Variants in LHCGR observed in about 807,000 individuals in gnomAD.
The protein encoded by LHCGR is luteinizing hormone/choriogonadotropin receptor, also known as lutropin-choriogonadotropic hormone receptor.
In LHCGR, 55 loss-of-function variants were observed where a neutral mutation model predicts 60.7. That is an observed-to-expected ratio of 0.91 (90% CI 0.73 to 1.13). The LOEUF is 1.13. Among genes scored for constraint, LHCGR ranks in the 50% most tolerant of loss-of-function variants. The pLI is 0.00. For missense variants in LHCGR, 862 were observed against 836.0 expected (o/e 1.03, Z -0.38); for synonymous variants, 337 against 316.5 (o/e 1.06, Z -0.69).
rs1241145884 is a variant in LHCGR, at chr2:48,729,228, C to T, written c.234-1G>A. 1.3e-5 allele frequency: 21 copies of T among 1,602,456 alleles called. No homozygotes were observed. The highest frequency in any genetic ancestry group is 1.8e-5 in the Non-Finnish European group (21 of 1,171,588). The stretch of plus-strand genomic sequence containing the variant: ...CAGGGAATCAATCTGAGAGATTTCA[C>T]TAGGGAAGAGAGGAGGGGGAAAAAG... On this transcript the variant is annotated splice_acceptor_variant, in intron 2 of 10. Coordinates refer to ENST00000294954, the MANE Select transcript of LHCGR (RefSeq NM_000233.4). LOFTEE classifies it high-confidence loss of function.
At chr2:48,714,397 C>A (rs183931454) in intron 6 of LHCGR, among the ~76,000 whole-genome samples, 1 of 152,156 alleles carries the variant, frequency 6.6e-6, no homozygotes, top group African/African-American at 2.4e-5. Context: ...TTAAGCCTTT[C>A]CTCTGGTTTT....
chr2:48,745,284 G>A (rs1669646086), intron 1 of LHCGR, among the ~76,000 whole-genome samples: 2 of 152,216 alleles, frequency 1.3e-5, no homozygotes. Flanking sequence ...GGAAGTCAGT[G>A]TGGCGATTCC....
At chr2:48,735,248 T>G (rs1204770187) in intron 1 of LHCGR, among the ~76,000 whole-genome samples, 1 of 152,226 alleles carries the variant, frequency 6.6e-6, no homozygotes, top group Non-Finnish European at 1.5e-5. Flanking sequence ...TCCTTAGGGC[T>G]GGAATTAAGT....
intron 2 of LHCGR, among the ~76,000 whole-genome samples, 177 bp from the exon 3 acceptor site, chr2:48,729,404 GC>G (rs1668888738): frequency 6.6e-6 from 1 of 152,180 alleles, no homozygotes; most frequent in South Asian, 2.1e-4. Context: ...CCCTTTAGGA[GC>G]ACTGATGGGC....
chr2:48,708,920 G>C, intron 8 of LHCGR, 28 bp downstream of exon 8: 1 of 1,589,192 alleles, frequency 6.3e-7, no homozygotes, highest in Non-Finnish European at 8.6e-7. Flanking sequence ...CACTGGGCAG[G>C]GAGGGGAGGC....
chr2:48,691,464 A>C (rs1201126294), intron 10 of LHCGR, among the ~76,000 whole-genome samples: 1 of 152,220 alleles, frequency 6.6e-6, no homozygotes, highest in Non-Finnish European at 1.5e-5. Flanking sequence ...CACAGACATC[A>C]ATATAATTAT....
chr2:48,752,364 A>T (rs1669994418), intron 1 of LHCGR, among the ~76,000 whole-genome samples: 1 of 152,146 alleles, frequency 6.6e-6, no homozygotes, highest in South Asian at 2.1e-4. Flanking sequence ...ATTAACATCT[A>T]TTGAGGGACT....
intron 2 of LHCGR, 95 bp from the exon 3 acceptor site, chr2:48,729,322 G>A: frequency 1.1e-6 from 1 of 917,328 alleles, no homozygotes; most frequent in South Asian, 1.3e-5. Context: ...CAACAACTGG[G>A]GACACCACTG....
At chr2:48,705,610 C>A (rs910272825) in intron 8 of LHCGR, among the ~76,000 whole-genome samples, 1 of 152,136 alleles carries the variant, frequency 6.6e-6, no homozygotes, top group African/African-American at 2.4e-5. Context: ...AGAGTTAGCT[C>A]TTCTTATTGA....
At chr2:48,749,614 T>C (rs987354752) in intron 1 of LHCGR, among the ~76,000 whole-genome samples, 2 of 151,840 alleles carry the variant, frequency 1.3e-5, no homozygotes, top group Admixed American at 6.6e-5. Context: ...GTTGCCTCAT[T>C]TCAAGACATG....
At chr2:48,728,925 T>A (rs962757757) in intron 3 of LHCGR, among the ~76,000 whole-genome samples, 1 of 152,174 alleles carries the variant, frequency 6.6e-6, no homozygotes, top group African/African-American at 2.4e-5. Flanking sequence ...TATCTTTGTG[T>A]TGTGATGTTT....
At chr2:48,724,944 C>T (rs1668654310) in intron 4 of LHCGR, among the ~76,000 whole-genome samples, 1 of 152,066 alleles carries the variant, frequency 6.6e-6, no homozygotes, top group African/African-American at 2.4e-5. Context: ...GCTTTACATT[C>T]TCTGAGGAGT....
At chr2:48,722,578 G>A (rs1004519690) in intron 6 of LHCGR, among the ~76,000 whole-genome samples, 4 of 152,044 alleles carry the variant, frequency 2.6e-5, no homozygotes, top group African/African-American at 4.8e-5. Flanking sequence ...TTAAAAGTGC[G>A]TGACATCTCC....
chr2:48,689,354 T>A (rs957039205), intron 10 of LHCGR, among the ~76,000 whole-genome samples: 2 of 152,132 alleles, frequency 1.3e-5, no homozygotes, highest in Non-Finnish European at 2.9e-5. Context: ...TATCTCTCAT[T>A]TAGTTGCCAA....
intron 1 of LHCGR, among the ~76,000 whole-genome samples, chr2:48,742,345 A>T (rs1669495458): frequency 1.3e-5 from 2 of 152,020 alleles, no homozygotes; most frequent in African/African-American, 4.8e-5. Context: ...AGCGGACCTA[A>T]TAGACATCTA....
intron 8 of LHCGR, among the ~76,000 whole-genome samples, chr2:48,701,636 G>C (rs1159742977): frequency 2.6e-5 from 4 of 151,742 alleles, no homozygotes; most frequent in Non-Finnish European, 5.9e-5. Flanking sequence ...AACCAAATGA[G>C]TTTTCTCCTC....
intron 1 of LHCGR, among the ~76,000 whole-genome samples, chr2:48,745,808 G>C (rs1057275756): frequency 1.7e-4 from 25 of 151,308 alleles, no homozygotes; most frequent in African/African-American, 5.8e-4. Context: ...TAACTAACCT[G>C]CATGTTGTGC....
intron 1 of LHCGR, among the ~76,000 whole-genome samples, chr2:48,737,749 C>G (rs138201443): frequency 6.6e-6 from 1 of 152,196 alleles, no homozygotes; most frequent in African/African-American, 2.4e-5. Flanking sequence ...AACTTTGGAA[C>G]AGTCTTTAAA....
intron 7 of LHCGR, among the ~76,000 whole-genome samples, chr2:48,712,192 C>G (rs528931556): frequency 1.3e-5 from 2 of 151,946 alleles, no homozygotes; most frequent in Admixed American, 6.6e-5. Flanking sequence ...AGGACTTTAC[C>G]TCTCTCTGGG....
Sources: allele counts gnomAD v4.1 joint callset (sites outside exome capture counted in the v4.1 genomes callset), GRCh38; gene constraint gnomAD v4.1.1; transcripts MANE v1.5; gene names NCBI Gene and HGNC (gene_info 2026-07-23, HGNC 2026-07-21).